Variants in LYRM7 observed in about 807,000 individuals in gnomAD.
LYRM7 encodes complex III assembly factor LYRM7.
Under a neutral mutation model 15.8 loss-of-function variants are expected in LYRM7, and 9 were observed. The ratio of observed to expected loss-of-function variants is 0.57; its 90% CI spans 0.34 to 0.99. The LOEUF is 0.99. Ranked by LOEUF, LYRM7 falls within the 50% of genes least tolerant of loss-of-function variation. The pLI, the probability that LYRM7 is intolerant of heterozygous loss-of-function variation, is 0.02. For missense variants in LYRM7, 115 were observed against 119.1 expected (o/e 0.97, Z 0.16); for synonymous variants, 39 against 39.4 (o/e 0.99, Z 0.04).
intron 3 of LYRM7, among the ~76,000 whole-genome samples, chr5:131,184,321 G>T (rs1755759336): frequency 6.6e-6 from 1 of 152,082 alleles, no homozygotes; most frequent in African/African-American, 2.4e-5. Context: ...GCCTTACACA[G>T]ATTTGTAGTT....
Position 131,182,105 on chromosome 5 carries a change from GT to G in LYRM7, c.92-119del, listed in dbSNP as rs1755722375. 7 of 870,882 alleles carry G rather than the reference GT, an allele frequency of 8.0e-6. No homozygotes were observed. The South Asian group carries it at 1.3e-4, about 16-fold the overall frequency. 53.9% of individuals were successfully genotyped at this position (870,882 alleles called of 1,614,324 possible). Reference sequence around the variant, plus strand: ...AATAAATTTCTTATTCTTATGCTTTGTTTTTCATGAGGGCAATTTCTATAGT... The same window carrying G: ...AATAAATTTCTTATTCTTATGCTTTGTTTTCATGAGGGCAATTTCTATAGT... On this transcript the variant is annotated intron_variant, in intron 2 of 4. Coordinates refer to ENST00000379380, the MANE Select transcript of LYRM7 (RefSeq NM_181705.4).
At chr5:131,192,880 C>G (rs1755907319) in intron 4 of LYRM7, among the ~76,000 whole-genome samples, 1 of 152,046 alleles carries the variant, frequency 6.6e-6, no homozygotes, top group Non-Finnish European at 1.5e-5. Flanking sequence ...TGTCAAAACC[C>G]TCTTTCTAAT....
At position 131,205,168 on chromosome 5, in the gene LYRM7, C is replaced by T. The variant is rs1205171362; in HGVS notation, c.*5567C>T. On this transcript the variant is annotated 3_prime_UTR_variant, in exon 5 of 5. Coordinates refer to ENST00000379380, the MANE Select transcript of LYRM7 (RefSeq NM_181705.4). ...AACCCCACCCTTCTCTTTCTCCTCT[C>T]TCTCCAGGATAATTACTGTTTTATA... is the stretch of plus-strand genomic sequence containing the variant. 1.3e-5 allele frequency: 2 copies of T among 152,272 alleles called. No individual in the cohort carries two copies. Among genetic ancestry groups the T allele is most frequent in the Non-Finnish European group, 2.9e-5 (2 of 68,030 alleles). 9.4% of individuals were successfully genotyped at this position (152,272 alleles called of 1,614,324 possible).
intron 4 of LYRM7, among the ~76,000 whole-genome samples, chr5:131,189,243 A>T (rs937702956): frequency 6.6e-6 from 1 of 151,556 alleles, no homozygotes; most frequent in African/African-American, 2.4e-5. Flanking sequence ...GGAGATCGAG[A>T]CCATCCTGGC....
intron 1 of LYRM7, among the ~76,000 whole-genome samples, chr5:131,172,915 T>C (rs1162350775): frequency 1.3e-5 from 2 of 152,190 alleles, no homozygotes; most frequent in Non-Finnish European, 2.9e-5. Context: ...GAGAATACAG[T>C]CTGTGACCTG....
chr5:131,180,225 C>G (rs2149660750), intron 2 of LYRM7, 58 bp downstream of exon 2: 1 of 1,200,672 alleles, frequency 8.3e-7, no homozygotes, highest in Non-Finnish European at 1.2e-6. Context: ...CTACTAATCT[C>G]TCTGAGAAAC....
chr5:131,188,210 G>A (rs1432005432), intron 4 of LYRM7, among the ~76,000 whole-genome samples: 1 of 152,022 alleles, frequency 6.6e-6, no homozygotes, highest in East Asian at 1.9e-4. Flanking sequence ...TGAGCCGCGA[G>A]TATGCCACTG....
chr5:131,185,828 G>A (rs111877031), intron 3 of LYRM7, among the ~76,000 whole-genome samples: 2,851 of 152,210 alleles, frequency 0.019, 36 homozygotes, highest in Non-Finnish European at 0.029. Flanking sequence ...TAAGTATTGT[G>A]AAGCTATCAA....
At chr5:131,181,096 G>A (rs887604156) in intron 2 of LYRM7, among the ~76,000 whole-genome samples, 1 of 149,882 alleles carries the variant, frequency 6.7e-6, no homozygotes, top group African/African-American at 2.5e-5. Flanking sequence ...TTAGAGACCA[G>A]CCTGGCCAAC....
intron 4 of LYRM7, among the ~76,000 whole-genome samples, chr5:131,198,357 A>G (rs1298431394): frequency 1.3e-5 from 2 of 152,238 alleles, no homozygotes; most frequent in Non-Finnish European, 2.9e-5. Context: ...GGGATCACAC[A>G]TTGCATGTAG....
At chr5:131,186,088 G>C (rs958279293) in intron 3 of LYRM7, among the ~76,000 whole-genome samples, 16 of 152,302 alleles carry the variant, frequency 1.1e-4, no homozygotes, top group African/African-American at 3.4e-4. Flanking sequence ...CATGCAGAAG[G>C]CTGTAGTGTT....
intron 1 of LYRM7, 26 bp downstream of exon 1, chr5:131,171,064 T>C (rs1173810972): frequency 6.6e-7 from 1 of 1,515,190 alleles, no homozygotes; most frequent in South Asian, 1.3e-5. Flanking sequence ...AAGGGGTGGG[T>C]ACGATGCCGT....
At chr5:131,190,082 C>G (rs1214060422) in intron 4 of LYRM7, among the ~76,000 whole-genome samples, 1 of 150,086 alleles carries the variant, frequency 6.7e-6, no homozygotes, top group African/African-American at 2.5e-5. Context: ...TGCAATGACC[C>G]GAGATCGCAC....
At chr5:131,173,296 C>T (rs1399651719) in intron 1 of LYRM7, among the ~76,000 whole-genome samples, 3 of 152,166 alleles carry the variant, frequency 2.0e-5, no homozygotes, top group East Asian at 3.8e-4. Flanking sequence ...ACAGGCATAC[C>T]TAGGTGATGC....
intron 3 of LYRM7, among the ~76,000 whole-genome samples, chr5:131,183,332 A>C (rs1755742961): frequency 6.6e-6 from 1 of 152,208 alleles, no homozygotes; most frequent in Non-Finnish European, 1.5e-5. Context: ...AGAAATTAAA[A>C]TGACCATATA....
At position 131,201,136 on chromosome 5, in the gene LYRM7, A is replaced by G. The variant is rs1355574175; in HGVS notation, c.*1535A>G. 6.6e-6 allele frequency: 1 copy of G among 151,508 alleles called. No homozygotes were observed. Among genetic ancestry groups the G allele is most frequent in the Non-Finnish European group, 1.5e-5 (1 of 67,934 alleles). 9.4% of individuals were successfully genotyped at this position (151,508 alleles called of 1,614,324 possible). On this transcript the variant is annotated 3_prime_UTR_variant, in exon 5 of 5. Transcript: ENST00000379380. ...CGAGACCAGCCTGGCCAATGTGGTG[A>G]AACCCCATCTCTACTAAAAACACAA...
rs142102076 is a variant in LYRM7 at position 131,196,235 on chromosome 5, G to A, written c.245-3296G>A. 7.9e-5 allele frequency among the ~76,000 whole-genome samples: 12 copies of A among 151,032 alleles called. No homozygotes were observed. In the East Asian group the frequency reaches 2.4e-3, roughly 30 times the overall value. Reference sequence around the variant, plus strand: ...TCTCATGCCTCACACCTCCTGAATAGCTGGGACTACCGCTCGGGCAATCCA... The same window carrying A: ...TCTCATGCCTCACACCTCCTGAATAACTGGGACTACCGCTCGGGCAATCCA... On this transcript the variant is annotated intron_variant, in intron 4 of 4. Coordinates refer to ENST00000379380, the MANE Select transcript of LYRM7 (RefSeq NM_181705.4).
At chr5:131,199,315 C>T (rs1220188090) in intron 4 of LYRM7, among the ~76,000 whole-genome samples, 1 of 152,050 alleles carries the variant, frequency 6.6e-6, no homozygotes, top group Non-Finnish European at 1.5e-5. Context: ...TTAAGTGGAT[C>T]ATATATGTTT....
At chr5:131,180,289 A>G (rs1755670762) in intron 2 of LYRM7, 122 bp downstream of exon 2, 2 of 574,484 alleles carry the variant, frequency 3.5e-6, no homozygotes, top group Non-Finnish European at 3.1e-6. Flanking sequence ...TCTCTCTGAT[A>G]TCTTTTATAA....
Sources: allele counts gnomAD v4.1 joint callset (sites outside exome capture counted in the v4.1 genomes callset), GRCh38; gene constraint gnomAD v4.1.1; transcripts MANE v1.5; gene names NCBI Gene and HGNC (gene_info 2026-07-23, HGNC 2026-07-21).